CYTH3: variants seen among roughly 807,000 people sequenced by gnomAD.
CYTH3 encodes cytohesin 3.
Under a neutral mutation model 55.1 loss-of-function variants are expected in CYTH3, and 23 were observed. The ratio of observed to expected loss-of-function variants is 0.42; its 90% CI spans 0.30 to 0.59. The LOEUF is 0.59. CYTH3 is among the 20% of genes least tolerant of loss of function. CYTH3 has a pLI of 0.20. For synonymous variants in CYTH3, 249 were observed against 194.9 expected, an observed-to-expected ratio of 1.28 and a Z score of -2.31; for missense variants, 413 against 524.8, an observed-to-expected ratio of 0.79 and a Z score of 2.08.
At position 6,237,815 on chromosome 7, in the gene CYTH3, C is replaced by T. The variant is rs550040672; in HGVS notation, c.34+34659G>A. Among the ~76,000 whole-genome samples, 28 of 152,264 alleles carry T rather than the reference C, an allele frequency of 1.8e-4. No individual in the cohort carries two copies. In the South Asian group the frequency reaches 5.6e-3, roughly 30 times the overall value. The stretch of plus-strand genomic sequence containing the variant: ...GTCCAAGCAATACACAGAAACTTGA[C>T]TACTACTTGTAAATGTATGTTTACT... On this transcript the variant is annotated intron_variant, in intron 1 of 12. Coordinates refer to ENST00000350796, the MANE Select transcript of CYTH3 (RefSeq NM_004227.4).
chr7:6,187,023 G>T, intron 4 of CYTH3, 27 bp downstream of exon 4: 1 of 1,608,068 alleles, frequency 6.2e-7, no homozygotes. Flanking sequence ...TCTCCTGCAG[G>T]CCAGAAAAGG....
chr7:6,233,432 A>C (rs1779436552), intron 1 of CYTH3, among the ~76,000 whole-genome samples: 1 of 152,178 alleles, frequency 6.6e-6, no homozygotes, highest in Admixed American at 6.5e-5. Context: ...CGAGGAGGGC[A>C]GATCACGAGG....
At chr7:6,208,278 T>C (rs1343335302) in intron 1 of CYTH3, among the ~76,000 whole-genome samples, 1 of 152,218 alleles carries the variant, frequency 6.6e-6, no homozygotes, top group Non-Finnish European at 1.5e-5. Flanking sequence ...CTAACAAACA[T>C]GGTGTTACAA....
intron 1 of CYTH3, among the ~76,000 whole-genome samples, chr7:6,243,722 C>G (rs576861276): frequency 2.5e-4 from 38 of 152,274 alleles, no homozygotes; most frequent in African/African-American, 8.4e-4. Context: ...TATCAACTTA[C>G]CCAATGAATT....
chr7:6,202,402 C>A lies in CYTH3; in HGVS notation c.35-11871G>T, dbSNP rs969316158. The stretch of plus-strand genomic sequence containing the variant: ...TGGGTGAACCCAGACAAGAGCAGCA[C>A]GTGAACCGCCAGCCAACTTGGAAAT... On this transcript the variant is annotated intron_variant, in intron 1 of 12. Coordinates refer to ENST00000350796, the MANE Select transcript of CYTH3 (RefSeq NM_004227.4). Among the ~76,000 whole-genome samples, 7 of 151,556 alleles carry A rather than the reference C, an allele frequency of 4.6e-5. No individual in the cohort carries two copies. The South Asian group carries it at 1.5e-3, about 32-fold the overall frequency.
At chr7:6,204,756 G>A (rs1255444689) in intron 1 of CYTH3, among the ~76,000 whole-genome samples, 1 of 152,162 alleles carries the variant, frequency 6.6e-6, no homozygotes, top group Non-Finnish European at 1.5e-5. Flanking sequence ...ATTCCTTCCT[G>A]CTCAAAATAC....
chr7:6,172,144 C>G (rs1332602404), intron 6 of CYTH3: 3 of 152,334 alleles, frequency 2.0e-5, no homozygotes, highest in African/African-American at 7.2e-5. Flanking sequence ...CCTTGAGGCT[C>G]CAATTAAGTC....
intron 4 of CYTH3, among the ~76,000 whole-genome samples, chr7:6,180,459 C>T (rs1233029502): frequency 6.6e-6 from 1 of 152,200 alleles, no homozygotes; most frequent in East Asian, 1.9e-4. Flanking sequence ...GAGGCAGAGA[C>T]CACAGTGAGG....
chr7:6,162,854 T>C lies in CYTH3; in HGVS notation c.*2090A>G, dbSNP rs888891315. The stretch of plus-strand genomic sequence containing the variant: ...GGGTTGGTCAGAAGAAGGAAACAGC[T>C]TGTCCGAGCACAACATGCTGACAGA... On this transcript the variant is annotated 3_prime_UTR_variant, in exon 13 of 13. Coordinates refer to ENST00000350796, the MANE Select transcript of CYTH3 (RefSeq NM_004227.4). 6.6e-6 allele frequency: 1 copy of C among 152,656 alleles called. No homozygotes were observed. Among genetic ancestry groups the C allele is most frequent in the African/African-American group, 2.4e-5 (1 of 41,458 alleles). 9.5% of individuals were successfully genotyped at this position (152,656 alleles called of 1,614,324 possible).
intron 1 of CYTH3, among the ~76,000 whole-genome samples, chr7:6,220,137 T>C (rs888884833): frequency 6.6e-6 from 1 of 152,064 alleles, no homozygotes; most frequent in African/African-American, 2.4e-5. Context: ...CCTCAAGTGA[T>C]CTGCCCGCCT....
At chr7:6,179,680 A>T (rs1279884121) in intron 4 of CYTH3, among the ~76,000 whole-genome samples, 2 of 72,038 alleles carry the variant, frequency 2.8e-5, no homozygotes, top group African/African-American at 1.6e-4. Flanking sequence ...CACACACCAC[A>T]CACACCCCCC....
chr7:6,190,633 G>A (rs1237247163), intron 1 of CYTH3, 102 bp from the exon 2 acceptor site: 15 of 869,968 alleles, frequency 1.7e-5, no homozygotes, highest in Non-Finnish European at 2.6e-5. Flanking sequence ...TCCATACGCA[G>A]GTATTTATCC....
intron 1 of CYTH3, among the ~76,000 whole-genome samples, chr7:6,249,020 T>C (rs1359319473): frequency 1.3e-5 from 2 of 152,228 alleles, no homozygotes; most frequent in Non-Finnish European, 2.9e-5. Context: ...ATAGAAATTT[T>C]ATTTTAAATT....
chr7:6,166,261 G>A (rs139488697), intron 9 of CYTH3, among the ~76,000 whole-genome samples: 1 of 152,236 alleles, frequency 6.6e-6, no homozygotes, highest in Non-Finnish European at 1.5e-5. Context: ...AATTAATTTT[G>A]TAACAAGATC....
intron 4 of CYTH3, among the ~76,000 whole-genome samples, chr7:6,184,083 TAG>T (rs1163533910): frequency 5.4e-5 from 6 of 112,034 alleles, no homozygotes; most frequent in Admixed American, 2.2e-4. Flanking sequence ...TTTTTTGAGA[TAG>T]AGTCTCGCTC....
chr7:6,173,776 C>A (rs769820233), intron 5 of CYTH3, 43 bp from the exon 6 acceptor site: 2 of 1,164,660 alleles, frequency 1.7e-6, no homozygotes, highest in South Asian at 1.2e-5. Flanking sequence ...TGTACATTAT[C>A]GCAATCATTT....
Position 6,263,571 on chromosome 7 carries a change from G to A in CYTH3, c.34+8903C>T, listed in dbSNP as rs188181780. On this transcript the variant is annotated intron_variant, in intron 1 of 12. Coordinates refer to ENST00000350796, the MANE Select transcript of CYTH3 (RefSeq NM_004227.4). ...CAGAATTTGGAAGGCCGAGGCAGGC[G>A]GATCACTTGAGGTCAGGAGTTCAAG... 5.3e-5 allele frequency among the ~76,000 whole-genome samples: 8 copies of A among 152,202 alleles called. No homozygotes were observed. In the South Asian group the frequency reaches 8.3e-4, roughly 16 times the overall value.
chr7:6,261,632 T>C (rs940454972), intron 1 of CYTH3, among the ~76,000 whole-genome samples: 2 of 131,876 alleles, frequency 1.5e-5, no homozygotes, highest in South Asian at 2.3e-4. Context: ...AGGAGGATCA[T>C]AGGATCATTT....
intron 1 of CYTH3, among the ~76,000 whole-genome samples, chr7:6,254,321 G>C (rs1469064371): frequency 1.3e-5 from 2 of 152,210 alleles, no homozygotes; most frequent in Non-Finnish European, 2.9e-5. Context: ...GGGGAAAGCA[G>C]AATGTGTACT....
Sources: gnomAD v4.1 joint callset for allele counts (sites outside exome capture counted in the v4.1 genomes callset) on GRCh38, gnomAD v4.1.1 for gene constraint, MANE v1.5 for transcripts, NCBI Gene and HGNC (gene_info 2026-07-23, HGNC 2026-07-21) for gene names.